TLE4: variants seen among roughly 807,000 people sequenced by gnomAD.
TLE4 encodes transducin-like enhancer protein 4.
In TLE4, 8 loss-of-function variants were observed where a neutral mutation model predicts 92.8. That is an observed-to-expected ratio of 0.09 (90% CI 0.05 to 0.16). The LOEUF (loss-of-function observed/expected upper bound fraction) is 0.16. Ranked by LOEUF, TLE4 falls within the 10% of genes least tolerant of loss-of-function variation. The probability of loss-of-function intolerance (pLI) is 1.00; values close to 1 mark genes in which losing one functional copy is unlikely to be tolerated. For missense variants in TLE4, 675 were observed against 997.6 expected (o/e 0.68, Z 4.36); for synonymous variants, 371 against 374.1 (o/e 0.99, Z 0.10).
Position 79,709,526 on chromosome 9 carries a change from A to C in TLE4, c.1264-97A>C, listed in dbSNP as rs1016159918. Reference sequence around the variant, plus strand: ...ATCTCTAAAACCTTATTTTTAAAGGATCTATTCTCCCAGGTTTTAGAATAG... The same window carrying C: ...ATCTCTAAAACCTTATTTTTAAAGGCTCTATTCTCCCAGGTTTTAGAATAG... On this transcript the variant is annotated intron_variant, in intron 13 of 19. Transcript: ENST00000376552. 7 of 989,028 alleles carry C rather than the reference A, an allele frequency of 7.1e-6. No individual in the cohort carries two copies. The Admixed American group carries it at 8.4e-5, about 12-fold the overall frequency. 61.3% of individuals were successfully genotyped at this position (989,028 alleles called of 1,614,324 possible).
intron 8 of TLE4, among the ~76,000 whole-genome samples, chr9:79,676,947 G>A (rs1399977949): frequency 1.3e-5 from 2 of 152,054 alleles, no homozygotes; most frequent in Non-Finnish European, 2.9e-5. Flanking sequence ...TTTCTTTCAT[G>A]TGTTTGAAGA....
At chr9:79,585,592 T>C (rs2040855396) in intron 4 of TLE4, among the ~76,000 whole-genome samples, 1 of 152,202 alleles carries the variant, frequency 6.6e-6, no homozygotes, top group African/African-American at 2.4e-5. Flanking sequence ...CCCAGATCTC[T>C]TTTAGCTCTT....
At chr9:79,601,577 T>C in intron 4 of TLE4, 1 of 427,632 alleles carries the variant, frequency 2.3e-6, no homozygotes, top group South Asian at 1.7e-5. Flanking sequence ...TGGTTAGTGA[T>C]CTTTGATGTT....
chr9:79,648,259 G>C (rs1480039925), intron 6 of TLE4, among the ~76,000 whole-genome samples: 1 of 152,164 alleles, frequency 6.6e-6, no homozygotes, highest in Non-Finnish European at 1.5e-5. Context: ...GCTATGTTTA[G>C]GGAACTGAGC....
At chr9:79,670,839 TAA>T (rs1259183602) in intron 8 of TLE4, among the ~76,000 whole-genome samples, 1 of 152,184 alleles carries the variant, frequency 6.6e-6, no homozygotes, top group Admixed American at 6.5e-5. Flanking sequence ...ATGGGAGTGG[TAA>T]AGTTGCCCAA....
chr9:79,676,034 TG>T (rs2063197159), intron 8 of TLE4, among the ~76,000 whole-genome samples: 3 of 152,102 alleles, frequency 2.0e-5, no homozygotes, highest in African/African-American at 2.4e-5. Flanking sequence ...CTGGCCACTT[TG>T]AACTGATTAG....
intron 5 of TLE4, among the ~76,000 whole-genome samples, chr9:79,618,456 C>T (rs964586261): frequency 5.3e-5 from 8 of 152,172 alleles, no homozygotes; most frequent in Non-Finnish European, 1.0e-4. Context: ...ACAGTATGGC[C>T]TCTGTGGGCT....
rs2072305802 is a variant in TLE4 at position 79,708,460 on chromosome 9, G to T, written c.1070-133G>T. 5 of 1,121,106 alleles carry T rather than the reference G, an allele frequency of 4.5e-6. No homozygotes were observed. In the Admixed American group the frequency reaches 1.2e-4, roughly 27 times the overall value. The allele number at this position is 1,121,106 out of a possible 1,614,324, so 69.4% of individuals were successfully genotyped here. On this transcript the variant is annotated intron_variant, in intron 12 of 19. Transcript: ENST00000376552. ...ACAAAGTGAATGAGTGAATTCTGAA[G>T]GCTTGAATGACTTTTGAGAATATTA...
rs1176452095 is a variant in TLE4 at position 79,709,655 on chromosome 9, G to C, written c.1296G>C (p.Val432=). Residue 432 remains valine (V), a synonymous_variant, in exon 14 of 20, where the codon GTG becomes GTC. Coordinates refer to ENST00000376552, the MANE Select transcript of TLE4 (RefSeq NM_007005.6). The part of the protein sequence containing the change: ...VGFDPHHHMR[V]PAIPPNLTGI... ...TTGATCCACACCATCACATGCGTGT[G>C]CCAGCAATACCTCCAAACCTGACAG... 2.5e-6 allele frequency: 4 copies of C among 1,614,062 alleles called. No individual in the cohort carries two copies. The highest frequency in any genetic ancestry group is 1.7e-4 in the Middle Eastern group (1 of 6,056).
At chr9:79,604,528 A>G (rs775143928) in intron 4 of TLE4, among the ~76,000 whole-genome samples, 2 of 152,146 alleles carry the variant, frequency 1.3e-5, no homozygotes, top group Non-Finnish European at 2.9e-5. Flanking sequence ...GGGAGGAGGG[A>G]GAAGAAACCA....
intron 8 of TLE4, among the ~76,000 whole-genome samples, chr9:79,680,630 C>T (rs912099165): frequency 1.5e-4 from 23 of 152,286 alleles, no homozygotes; most frequent in Non-Finnish European, 3.2e-4. Flanking sequence ...CCTTCTCCTG[C>T]CTGATTGCCA....
chr9:79,721,169 T>C (rs1263985174), intron 16 of TLE4, among the ~76,000 whole-genome samples: 1 of 152,244 alleles, frequency 6.6e-6, no homozygotes, highest in Non-Finnish European at 1.5e-5. Context: ...TCTAACCCTG[T>C]TTTCTCCTGG....
chr9:79,654,227 T>G (rs1452166800), intron 8 of TLE4, 152 bp downstream of exon 8: 13 of 719,348 alleles, frequency 1.8e-5, no homozygotes, highest in Admixed American at 7.2e-5. Context: ...AGGTGTGTGG[T>G]TGATTTTTTT....
At chr9:79,592,808 G>A (rs1564210006) in intron 4 of TLE4, among the ~76,000 whole-genome samples, 2 of 152,052 alleles carry the variant, frequency 1.3e-5, no homozygotes, top group African/African-American at 2.4e-5. Flanking sequence ...AACAACTCTG[G>A]ATATCAGTGA....
At chr9:79,625,574 TG>T (rs965496295) in intron 5 of TLE4, among the ~76,000 whole-genome samples, 3 of 152,020 alleles carry the variant, frequency 2.0e-5, no homozygotes, top group Admixed American at 6.6e-5. Flanking sequence ...CTTTTTTTTT[TG>T]TTTTCCAAGT....
At chr9:79,636,288 T>C (rs1441514761) in intron 6 of TLE4, among the ~76,000 whole-genome samples, 2 of 152,076 alleles carry the variant, frequency 1.3e-5, no homozygotes, top group East Asian at 3.9e-4. Flanking sequence ...GGATTTCATT[T>C]CTAAAAAATT....
chr9:79,615,796 T>A (rs1295976300), intron 5 of TLE4, among the ~76,000 whole-genome samples: 3 of 152,198 alleles, frequency 2.0e-5, no homozygotes, highest in Non-Finnish European at 4.4e-5. Context: ...TATTAGAGTT[T>A]ACTAAAACAT....
intron 3 of TLE4, among the ~76,000 whole-genome samples, chr9:79,575,560 C>T (rs949831202): frequency 5.3e-5 from 8 of 152,110 alleles, no homozygotes; most frequent in East Asian, 1.9e-4. Context: ...TTATACTACA[C>T]GTTCAAAAAA....
At position 79,721,062 on chromosome 9, in the gene TLE4, C is replaced by T. The variant is rs946966068; in HGVS notation, c.1839-679C>T. 2.0e-5 allele frequency among the ~76,000 whole-genome samples: 3 copies of T among 152,172 alleles called. No homozygotes were observed. The East Asian group carries it at 5.8e-4, about 29-fold the overall frequency. ...AAGTCAGGTGTGTAAAAGAAGAAGGCTTTACTATCTGTTATTTCAAAGTAC... is the reference window on the plus strand; with the variant it reads ...AAGTCAGGTGTGTAAAAGAAGAAGGTTTTACTATCTGTTATTTCAAAGTAC... On this transcript the variant is annotated intron_variant, in intron 16 of 19. Transcript: ENST00000376552.
Sources: allele counts gnomAD v4.1 joint callset (sites outside exome capture counted in the v4.1 genomes callset), GRCh38; gene constraint gnomAD v4.1.1; transcripts MANE v1.5; gene names NCBI Gene and HGNC (gene_info 2026-07-23, HGNC 2026-07-21).